The following PAK3 variants were observed in gnomAD, a reference collection of about 807,000 sequenced individuals.
PAK3 encodes the protein p21 (RAC1) activated kinase 3, also known as serine/threonine-protein kinase PAK 3.
A neutral mutation model predicts 41.0 loss-of-function variants in PAK3; 4 were observed. The ratio of observed to expected loss-of-function variants is 0.10; its 90% confidence interval spans 0.05 to 0.22. PAK3 has a LOEUF of 0.22. Ranked by LOEUF, PAK3 falls within the 10% of genes least tolerant of loss-of-function variation. The probability of loss-of-function intolerance (pLI) is 1.00; values close to 1 mark genes in which losing one functional copy is unlikely to be tolerated. For synonymous variants in PAK3, 146 were observed against 139.6 expected (o/e 1.05, Z -0.32); for missense variants, 205 against 409.9 (o/e 0.50, Z 4.32).
At chrX:110,964,042 T>G (rs1325061291) in intron 1 of PAK3, among the ~76,000 whole-genome samples, 1 of 111,777 alleles carries the variant, frequency 8.9e-6, no homozygotes, top group African/African-American at 3.3e-5. Flanking sequence ...GAGTTATTAT[T>G]CATTGAAACA....
chrX:110,997,623 G>T (rs1401011699), intron 1 of PAK3, among the ~76,000 whole-genome samples: 3 of 111,846 alleles, frequency 2.7e-5, no homozygotes, highest in Non-Finnish European at 5.6e-5. Flanking sequence ...TACCTGAGAT[G>T]GGAAGAACTG....
At chrX:111,094,985 G>C (rs909794340), upstream of PAK3, among the ~76,000 whole-genome samples, 1 of 111,282 alleles carries the variant, frequency 9.0e-6, no homozygotes, top group Non-Finnish European at 1.9e-5. Flanking sequence ...CACCGCGTGT[G>C]GTCATCTGTA....
At chrX:111,192,251 TC>T (rs1407399323) in intron 12 of PAK3, 76 bp downstream of exon 12, 4 of 691,930 alleles carry the variant, frequency 5.8e-6, no homozygotes, top group Non-Finnish European at 9.3e-6. Context: ...GATGGCAACT[TC>T]GCCTAAAAAA....
At chrX:111,086,077 G>GTA (rs1302640813) in intron 1 of PAK3, among the ~76,000 whole-genome samples, 1 of 103,853 alleles carries the variant, frequency 9.6e-6, no homozygotes, top group Non-Finnish European at 2.0e-5. Flanking sequence ...GTGTGTGTGT[G>GTA]TGTGTGTGTG....
chrX:111,132,440 A>G (rs980167114), intron 5 of PAK3, among the ~76,000 whole-genome samples: 1 of 110,837 alleles, frequency 9.0e-6, no homozygotes, highest in Non-Finnish European at 1.9e-5. Flanking sequence ...TACAGATTGC[A>G]CCTGGGCAGG....
chrX:110,990,071 G>A (rs187266862), intron 1 of PAK3, among the ~76,000 whole-genome samples: 6 of 111,724 alleles, frequency 5.4e-5, no homozygotes, highest in Admixed American at 4.7e-4. Context: ...GGTGTCTTCC[G>A]GCAGAGTCAT....
chrX:110,956,184 C>T (rs940413610), intron 1 of PAK3, among the ~76,000 whole-genome samples: 24 of 112,111 alleles, frequency 2.1e-4, no homozygotes, highest in African/African-American at 7.8e-4. Flanking sequence ...GGCTCAGGCA[C>T]TTTGGACAGT....
At chrX:111,031,983 T>C (rs1429389421) in intron 1 of PAK3, among the ~76,000 whole-genome samples, 1 of 112,276 alleles carries the variant, frequency 8.9e-6, no homozygotes. Flanking sequence ...ACAGTAGTTA[T>C]GAGACCCACT....
chrX:110,966,662 G>A (rs2091088037), intron 1 of PAK3, among the ~76,000 whole-genome samples: 1 of 110,953 alleles, frequency 9.0e-6, no homozygotes, highest in Non-Finnish European at 1.9e-5. Context: ...AATTATGTGA[G>A]AAAAGCAGGC....
intron 10 of PAK3, among the ~76,000 whole-genome samples, chrX:111,171,350 G>A (rs1457030992): frequency 9.0e-6 from 1 of 111,009 alleles, no homozygotes; most frequent in Admixed American, 9.6e-5. Context: ...TTTGCTTCCA[G>A]AAAGAAAGGT....
chrX:111,093,152 C>T (rs766315394), upstream of PAK3, among the ~76,000 whole-genome samples: 1 of 111,916 alleles, frequency 8.9e-6, no homozygotes, highest in African/African-American at 3.2e-5. Flanking sequence ...ACTCAAGTGG[C>T]CATATAGGGT....
intron 1 of PAK3, among the ~76,000 whole-genome samples, chrX:111,004,594 G>A (rs943462605): frequency 8.9e-6 from 1 of 112,289 alleles, no homozygotes; most frequent in African/African-American, 3.2e-5. Flanking sequence ...CCTAAAGTTG[G>A]CCTTTTTGTA....
chrX:111,016,141 A>AT (rs2148715412), intron 1 of PAK3, among the ~76,000 whole-genome samples: 1 of 112,679 alleles, frequency 8.9e-6, no homozygotes, highest in Non-Finnish European at 1.9e-5. Context: ...GTACCAACCA[A>AT]TTAATTGAAT....
intron 1 of PAK3, among the ~76,000 whole-genome samples, chrX:111,053,671 A>T (rs1037063411): frequency 9.0e-6 from 1 of 110,759 alleles, no homozygotes; most frequent in Non-Finnish European, 1.9e-5. Context: ...TGATTATGCC[A>T]TACCACACTG....
chrX:110,983,457 A>G (rs1390363446), intron 1 of PAK3, among the ~76,000 whole-genome samples: 1 of 108,868 alleles, frequency 9.2e-6, no homozygotes, highest in African/African-American at 3.4e-5. Flanking sequence ...AGAAAAGGAC[A>G]TTTGGAAATG....
intron 1 of PAK3, among the ~76,000 whole-genome samples, chrX:111,039,994 CAAA>C (rs141289134): frequency 2.4e-4 from 12 of 49,261 alleles, no homozygotes; most frequent in Non-Finnish European, 3.5e-4. Flanking sequence ...GTAGATGGAG[CAAA>C]AAAAAAAAAA....
chrX:111,129,788 G>A (rs960762528), intron 5 of PAK3, among the ~76,000 whole-genome samples: 4 of 111,603 alleles, frequency 3.6e-5, no homozygotes, highest in Non-Finnish European at 7.5e-5. Flanking sequence ...AGGAGGTGGA[G>A]AAGATACAGA....
intron 1 of PAK3, 91 bp from the exon 2 acceptor site, chrX:111,097,299 G>T (rs1189932675): frequency 9.3e-6 from 1 of 107,373 alleles, no homozygotes; most frequent in Non-Finnish European, 1.9e-5. Context: ...GGTGGGGTGG[G>T]GTGGGGGATG....
chrX:111,126,074 C>A (rs915916134), intron 5 of PAK3, among the ~76,000 whole-genome samples: 3 of 111,315 alleles, frequency 2.7e-5, no homozygotes, highest in Non-Finnish European at 5.7e-5. Flanking sequence ...GTATAGACAT[C>A]CATAATTTGA....
Sources: allele counts gnomAD v4.1 joint callset (sites outside exome capture counted in the v4.1 genomes callset), GRCh38; gene constraint gnomAD v4.1.1; transcripts MANE v1.5; gene names NCBI Gene and HGNC (gene_info 2026-07-23, HGNC 2026-07-21).